The following LRP6 variants were observed in gnomAD, a reference collection of about 807,000 sequenced individuals.
The protein encoded by LRP6 is low-density lipoprotein receptor-related protein 6.
LRP6 carries 43 observed loss-of-function variants against 184.1 expected under a neutral mutation model. That is an observed-to-expected ratio of 0.23 (90% confidence interval 0.18 to 0.30). The LOEUF (loss-of-function observed/expected upper bound fraction) is 0.30, where lower values mean the gene tolerates loss of function less well. LRP6 is among the 10% of genes least tolerant of loss of function. The pLI is 1.00. For synonymous variants in LRP6, 719 were observed against 684.9 expected (o/e 1.05, Z -0.78); for missense variants, 1,571 against 2,005.3 (o/e 0.78, Z 4.14).
Position 12,225,576 on chromosome 12 carries a change from C to T in LRP6, c.449+18686G>A, listed in dbSNP as rs186406244. Among the ~76,000 whole-genome samples the T allele has an allele frequency of 2.1e-3, 323 of 152,030 alleles. 1 individual carries two copies. Among genetic ancestry groups the T allele is most frequent in the African/African-American group, 7.6e-3 (316 of 41,484 alleles). On this transcript the variant is annotated intron_variant, in intron 2 of 22. Transcript: ENST00000261349. ...ACCTCCAGGAGCTCTACCAGGTTCT[C>T]ACAGTAAAGATCCAAGCCAGTGTGG...
chr12:12,128,035 G>C (rs1480842826), intron 19 of LRP6, among the ~76,000 whole-genome samples: 1 of 152,044 alleles, frequency 6.6e-6, no homozygotes, highest in Non-Finnish European at 1.5e-5. Flanking sequence ...CAAGCTTCAG[G>C]AAAGAAAAGT....
At chr12:12,149,247 A>C in intron 13 of LRP6, 94 bp from the exon 14 acceptor site, 1 of 932,892 alleles carries the variant, frequency 1.1e-6, no homozygotes, top group Non-Finnish European at 1.8e-6. Context: ...ATGGGCACAC[A>C]GCTGAGAAGG....
intron 22 of LRP6, among the ~76,000 whole-genome samples, chr12:12,123,067 A>G (rs893938393): frequency 6.6e-6 from 1 of 152,108 alleles, no homozygotes; most frequent in Non-Finnish European, 1.5e-5. Context: ...AACAAACTGA[A>G]TTAATAAAAT....
At chr12:12,180,161 T>C (rs769837910) in intron 6 of LRP6, among the ~76,000 whole-genome samples, 180 bp from the exon 7 acceptor site, 2 of 151,036 alleles carry the variant, frequency 1.3e-5, no homozygotes, top group Non-Finnish European at 2.9e-5. Flanking sequence ...ATATATAAGA[T>C]TGTGGGAAAT....
chr12:12,162,627 CA>C (rs2136946180), intron 9 of LRP6, among the ~76,000 whole-genome samples: 1 of 152,282 alleles, frequency 6.6e-6, no homozygotes, highest in South Asian at 2.1e-4. Context: ...ACTGCCAATT[CA>C]GGGGAGAAAT....
chr12:12,159,498 G>C (rs923461231), intron 11 of LRP6, among the ~76,000 whole-genome samples: 10 of 152,074 alleles, frequency 6.6e-5, no homozygotes, highest in Non-Finnish European at 1.3e-4. Context: ...GGAAAAGATG[G>C]AAATATATAT....
chr12:12,199,409 C>T (rs1409418179), intron 3 of LRP6, among the ~76,000 whole-genome samples: 3 of 152,104 alleles, frequency 2.0e-5, no homozygotes, highest in Non-Finnish European at 4.4e-5. Flanking sequence ...GGAGCTATTA[C>T]TCCTTTTATT....
At chr12:12,244,095 A>C (rs575407751) in intron 2 of LRP6, among the ~76,000 whole-genome samples, 167 bp downstream of exon 2, 5 of 152,246 alleles carry the variant, frequency 3.3e-5, no homozygotes, top group African/African-American at 1.2e-4. Flanking sequence ...AAATAATAAT[A>C]ACACAACGTA....
At chr12:12,128,221 T>G (rs1226505008) in intron 19 of LRP6, among the ~76,000 whole-genome samples, 1 of 152,178 alleles carries the variant, frequency 6.6e-6, no homozygotes. Flanking sequence ...CTGGCTCCTG[T>G]CTTCTCTTTA....
chr12:12,129,663 T>G (rs1435534768), intron 19 of LRP6, among the ~76,000 whole-genome samples: 3 of 151,878 alleles, frequency 2.0e-5, no homozygotes, highest in African/African-American at 7.3e-5. Context: ...AACGATTCTC[T>G]TGCCTCAGCC....
At position 12,186,813 on chromosome 12, in the gene LRP6, G is replaced by A. The variant is rs141908217; in HGVS notation, c.844+110C>T. On this transcript the variant is annotated intron_variant, in intron 4 of 22. Coordinates refer to ENST00000261349, the MANE Select transcript of LRP6 (RefSeq NM_002336.3). The stretch of plus-strand genomic sequence containing the variant: ...AGGATTTTAACTCTTTTTTATTCCC[G>A]CCAACTATCTTTGGATATGCCCTCC... 1.9e-3 allele frequency: 1,899 copies of A among 978,860 alleles called. 11 individuals are homozygous for A. In the African/African-American group the frequency reaches 0.025, roughly 13 times the overall value. 60.6% of individuals were successfully genotyped at this position (978,860 alleles called of 1,614,324 possible).
chr12:12,258,109 T>C (rs1207333473), intron 1 of LRP6, among the ~76,000 whole-genome samples: 6 of 152,220 alleles, frequency 3.9e-5, no homozygotes, highest in Admixed American at 3.3e-4. Flanking sequence ...ATATCTAATC[T>C]ATGCTAAGAA....
chr12:12,252,112 T>C (rs1865337931), intron 1 of LRP6, among the ~76,000 whole-genome samples: 1 of 152,228 alleles, frequency 6.6e-6, no homozygotes, highest in Non-Finnish European at 1.5e-5. Context: ...CTCAAACTCC[T>C]GACCTCAAGT....
rs1440744800 is a variant in LRP6 at position 12,220,597 on chromosome 12, TA to T, written c.450-17198del. Among the ~76,000 whole-genome samples the T allele has an allele frequency of 2.4e-5, 3 of 123,460 alleles. No individual in the cohort carries two copies. The East Asian group carries it at 7.9e-4, about 33-fold the overall frequency. 81.0% of individuals were successfully genotyped at this position (123,460 alleles called of 152,430 possible). On this transcript the variant is annotated intron_variant, in intron 2 of 22. Coordinates refer to ENST00000261349, the MANE Select transcript of LRP6 (RefSeq NM_002336.3). ...TATGAACACTAACGCATATTTTTCT[TA>T]GTTTTTTTTTTTTTTTTTGAGACAG...
At chr12:12,179,579 A>C (rs1211101758) in intron 7 of LRP6, among the ~76,000 whole-genome samples, 3 of 152,154 alleles carry the variant, frequency 2.0e-5, no homozygotes, top group Non-Finnish European at 2.9e-5. Context: ...TTAAGACTAG[A>C]AACTGATCAG....
intron 15 of LRP6, among the ~76,000 whole-genome samples, chr12:12,141,365 C>A (rs1383083288): frequency 1.3e-5 from 2 of 152,008 alleles, no homozygotes; most frequent in African/African-American, 2.4e-5. Flanking sequence ...TCAAACTTCC[C>A]AATGACACAA....
chr12:12,162,773 G>T (rs1862770531), intron 9 of LRP6, among the ~76,000 whole-genome samples: 1 of 152,112 alleles, frequency 6.6e-6, no homozygotes, highest in Admixed American at 6.6e-5. Context: ...TTTTCTAAAG[G>T]TGCTTAAGAT....
At chr12:12,199,995 A>C (rs1238042245) in intron 3 of LRP6, among the ~76,000 whole-genome samples, 14 of 108,788 alleles carry the variant, frequency 1.3e-4, no homozygotes, top group Middle Eastern at 5.0e-3. Flanking sequence ...AAAAAAAAAA[A>C]CACAAGGCTC....
rs537552248 is a variant in LRP6, at chr12:12,137,400, CA to C, written c.3607+924del. Among the ~76,000 whole-genome samples, 5 of 149,430 alleles carry C rather than the reference CA, an allele frequency of 3.3e-5. 1 individual carries two copies. In the East Asian group the frequency reaches 5.8e-4, roughly 17 times the overall value. On this transcript the variant is annotated intron_variant, in intron 16 of 22. Coordinates refer to ENST00000261349, the MANE Select transcript of LRP6 (RefSeq NM_002336.3). ...CTAGGCCAAGATGACTAGCCATTTT[CA>C]AAAAAAAATAAGAAAATATTTCTGG... is the stretch of plus-strand genomic sequence containing the variant.
Sources: gnomAD v4.1 joint callset for allele counts (sites outside exome capture counted in the v4.1 genomes callset) on GRCh38, gnomAD v4.1.1 for gene constraint, MANE v1.5 for transcripts, NCBI Gene and HGNC (gene_info 2026-07-23, HGNC 2026-07-21) for gene names.